The following PLB1 variants were observed in gnomAD, a reference collection of about 807,000 sequenced individuals.
PLB1 encodes the protein phospholipase B1, membrane-associated.
PLB1 carries 242 observed loss-of-function variants against 227.4 expected under a neutral mutation model. The observed-to-expected ratio is 1.06, with a 90% CI of 0.96 to 1.18. The LOEUF is 1.18. Ranked by LOEUF, PLB1 falls within the 50% of genes most tolerant of loss-of-function variation. The pLI, the probability that PLB1 is intolerant of heterozygous loss-of-function variation, is 0.00. For missense variants in PLB1, 1,858 were observed against 1,816.3 expected (o/e 1.02, Z -0.42); for synonymous variants, 757 against 682.2 (o/e 1.11, Z -1.71).
chr2:28,606,641 C>T (rs771616847), intron 43 of PLB1, 74 bp downstream of exon 43: 27 of 1,354,186 alleles, frequency 2.0e-5, no homozygotes, highest in Non-Finnish European at 2.8e-5. Context: ...CTTCGTCCTC[C>T]ACCACAGCTT....
At chr2:28,566,932 C>T in intron 20 of PLB1, 93 bp downstream of exon 20, 3 of 1,457,460 alleles carry the variant, frequency 2.1e-6, no homozygotes, top group East Asian at 2.3e-5. Context: ...TCGGGAGGAG[C>T]CCCGGCTGCA....
At chr2:28,539,852 G>C (rs60293037) in intron 11 of PLB1, among the ~76,000 whole-genome samples, 1 of 151,372 alleles carries the variant, frequency 6.6e-6, no homozygotes, top group Non-Finnish European at 1.5e-5. Flanking sequence ...TGAAGGGGGA[G>C]AAAGAGCTTC....
At chr2:28,607,853 C>A (rs1265341788) in intron 43 of PLB1, among the ~76,000 whole-genome samples, 1 of 152,150 alleles carries the variant, frequency 6.6e-6, no homozygotes, top group African/African-American at 2.4e-5. Flanking sequence ...ATGGAGGGCC[C>A]TTTCCAAACT....
chr2:28,603,066 C>G, intron 39 of PLB1, 145 bp downstream of exon 39: 4 of 696,860 alleles, frequency 5.7e-6, no homozygotes, highest in Non-Finnish European at 9.5e-6. Flanking sequence ...CAGAACGTCC[C>G]CTTCCAGAGG....
intron 20 of PLB1, among the ~76,000 whole-genome samples, chr2:28,567,952 T>G (rs1677333814): frequency 6.6e-6 from 1 of 152,194 alleles, no homozygotes; most frequent in African/African-American, 2.4e-5. Context: ...TTCATTTACT[T>G]TCCTGGTACA....
chr2:28,570,508 G>A (rs868149813), intron 20 of PLB1, among the ~76,000 whole-genome samples: 12 of 96,832 alleles, frequency 1.2e-4, no homozygotes, highest in Admixed American at 4.8e-4. Flanking sequence ...AACAAAGGCC[G>A]GGCGCAGTGG....
rs201037347 is a variant in PLB1, at chr2:28,614,033, T to C, written c.3132T>C (p.Asn1044=). The C allele has an allele frequency of 2.5e-6, 4 of 1,611,454 alleles. No homozygotes were observed. In the Admixed American group the frequency reaches 5.0e-5, roughly 20 times the overall value. ...AEMPITCPTQ[N]EPFLRTPRNS... ...CCATGTGTTTTTTTTTCTCTTAGAA[T>C]GAGCCCTTCCTGAGAACCCCTCGGA... The change falls in exon 44 of 58, where the codon AAT becomes AAC. Residue 1044 remains asparagine (N), a splice_region_variant and synonymous_variant. Transcript: ENST00000327757.
intron 57 of PLB1, among the ~76,000 whole-genome samples, chr2:28,641,350 A>G (rs542234880): frequency 1.6e-3 from 237 of 152,312 alleles, no homozygotes; most frequent in Non-Finnish European, 2.8e-3. Context: ...GCTCACGCCT[A>G]TAATCCCAGC....
At chr2:28,556,090 TG>T (rs1467085102) in intron 17 of PLB1, among the ~76,000 whole-genome samples, 2 of 152,106 alleles carry the variant, frequency 1.3e-5, no homozygotes, top group Non-Finnish European at 2.9e-5. Context: ...CTTGAACTCC[TG>T]GGCTCAAATG....
At chr2:28,611,556 G>C (rs1048275435) in intron 43 of PLB1, among the ~76,000 whole-genome samples, 1 of 152,258 alleles carries the variant, frequency 6.6e-6, no homozygotes, top group Admixed American at 6.5e-5. Context: ...AGCTTCTCAA[G>C]TCTGTCTCCC....
chr2:28,622,029 G>T (rs570144938), intron 49 of PLB1, among the ~76,000 whole-genome samples: 3 of 152,282 alleles, frequency 2.0e-5, no homozygotes, highest in East Asian at 3.9e-4. Flanking sequence ...GAAGTCAGTG[G>T]CCAGGGAAGT....
intron 43 of PLB1, among the ~76,000 whole-genome samples, chr2:28,610,976 T>C (rs535093271): frequency 1.3e-5 from 2 of 152,206 alleles, no homozygotes; most frequent in Admixed American, 1.3e-4. Flanking sequence ...CTGCTTTGGC[T>C]CCAGGCCTTT....
At chr2:28,515,753 G>A (rs533112196) in intron 1 of PLB1, among the ~76,000 whole-genome samples, 14 of 152,270 alleles carry the variant, frequency 9.2e-5, no homozygotes, top group East Asian at 3.9e-4. Context: ...TATCGCATGC[G>A]CTTATAAGGA....
rs113149671 is a variant in PLB1 at position 28,639,708 on chromosome 2, G to A, written c.4099-1219G>A. ...CCTGGAATAGCATCGGGAATCAGCC[G>A]CGCTGACCTTTAGCATTTATTCTGT... On this transcript the variant is annotated intron_variant, in intron 56 of 57. Coordinates refer to ENST00000327757, the MANE Select transcript of PLB1 (RefSeq NM_153021.5). 7.7e-3 allele frequency among the ~76,000 whole-genome samples: 1,175 copies of A among 152,284 alleles called. 12 individuals carry two copies. The highest frequency in any genetic ancestry group is 0.027 in the African/African-American group (1,124 of 41,542).
chr2:28,497,153 T>C (rs964837805), intron 1 of PLB1, among the ~76,000 whole-genome samples: 41 of 152,248 alleles, frequency 2.7e-4, no homozygotes, highest in Admixed American at 2.7e-3. Context: ...TTGAAGTCTT[T>C]TTCCTATTGA....
At chr2:28,580,873 G>A (rs1679814361) in intron 23 of PLB1, among the ~76,000 whole-genome samples, 1 of 152,104 alleles carries the variant, frequency 6.6e-6, no homozygotes, top group Non-Finnish European at 1.5e-5. Flanking sequence ...AGGAAGTAGT[G>A]GCCTTGCTCT....
intron 56 of PLB1, among the ~76,000 whole-genome samples, chr2:28,633,621 A>G (rs1045370297): frequency 1.3e-5 from 2 of 152,192 alleles, no homozygotes; most frequent in Non-Finnish European, 2.9e-5. Flanking sequence ...GTCCTTTCTG[A>G]TGGGAAGAAG....
chr2:28,548,153 C>G (rs1313634962), intron 14 of PLB1, among the ~76,000 whole-genome samples: 2 of 152,012 alleles, frequency 1.3e-5, no homozygotes, highest in Non-Finnish European at 2.9e-5. Flanking sequence ...GAGACTTGAC[C>G]CAGGCCCCAT....
intron 36 of PLB1, 146 bp from the exon 37 acceptor site, chr2:28,601,106 C>T: frequency 1.3e-6 from 1 of 759,644 alleles, no homozygotes; most frequent in South Asian, 1.7e-5. Context: ...TATAAATAAA[C>T]CTCTAAAATT....
Sources: allele counts gnomAD v4.1 joint callset (sites outside exome capture counted in the v4.1 genomes callset), GRCh38; gene constraint gnomAD v4.1.1; transcripts MANE v1.5; gene names NCBI Gene and HGNC (gene_info 2026-07-23, HGNC 2026-07-21).